The following COL19A1 variants were observed in gnomAD, a reference collection of about 807,000 sequenced individuals.
The protein encoded by COL19A1 is collagen type XIX alpha 1 chain, also known as collagen alpha-1(XIX) chain.
COL19A1 carries 159 observed loss-of-function variants against 190.2 expected under a neutral mutation model. The observed-to-expected ratio is 0.84, with a 90% CI of 0.73 to 0.95. The LOEUF (loss-of-function observed/expected upper bound fraction) is 0.95. Ranked by LOEUF, COL19A1 falls within the 40% of genes least tolerant of loss-of-function variation. COL19A1 has a pLI of 0.00. For missense variants in COL19A1, 1,418 were observed against 1,431.9 expected (o/e 0.99, Z 0.16); for synonymous variants, 509 against 458.9 (o/e 1.11, Z -1.39).
chr6:70,195,239 A>T (rs1767126884), intron 48 of COL19A1, among the ~76,000 whole-genome samples: 1 of 151,106 alleles, frequency 6.6e-6, no homozygotes, highest in South Asian at 2.1e-4. Flanking sequence ...TTTTGGTTGC[A>T]ACTCTGTTGT....
chr6:70,092,507 A>T (rs184180190), intron 15 of COL19A1, among the ~76,000 whole-genome samples: 3 of 151,924 alleles, frequency 2.0e-5, no homozygotes, highest in Admixed American at 1.3e-4. Flanking sequence ...CATCTTTTTG[A>T]TAGGGTTTTT....
At chr6:69,961,597 A>G (rs1222008487) in intron 10 of COL19A1, among the ~76,000 whole-genome samples, 4 of 152,246 alleles carry the variant, frequency 2.6e-5, no homozygotes, top group Non-Finnish European at 5.9e-5. Flanking sequence ...AAAAAAATAT[A>G]GACCATGCAT....
At chr6:69,937,804 G>T (rs1220780031) in intron 8 of COL19A1, among the ~76,000 whole-genome samples, 1 of 152,132 alleles carries the variant, frequency 6.6e-6, no homozygotes, top group Non-Finnish European at 1.5e-5. Context: ...GCTCATGGAA[G>T]GTCTGGAGGA....
intron 14 of COL19A1, among the ~76,000 whole-genome samples, chr6:70,043,484 G>T (rs1413257649): frequency 6.6e-6 from 1 of 152,056 alleles, no homozygotes; most frequent in African/African-American, 2.4e-5. Context: ...GAGCCACCGC[G>T]CCCGGCCACA....
At chr6:70,066,160 T>G (rs1216310265) in intron 14 of COL19A1, among the ~76,000 whole-genome samples, 1 of 152,202 alleles carries the variant, frequency 6.6e-6, no homozygotes, top group African/African-American at 2.4e-5. Context: ...GTATGTTTAT[T>G]GCAGCACTGC....
In COL19A1 at chr6:69,988,974, T is replaced by C. The variant is rs73746845; in HGVS notation, c.1026+26104T>C. 8.7e-3 allele frequency among the ~76,000 whole-genome samples: 1,324 copies of C among 152,300 alleles called. 20 individuals carry two copies. The highest frequency in any genetic ancestry group is 0.03 in the African/African-American group (1,235 of 41,556). ...ATAACATCACCATCCTTCTGGGCTT[T>C]GCACAGGTCTGAAACCTGTAATTTT... On this transcript the variant is annotated intron_variant, in intron 11 of 50. Coordinates refer to ENST00000620364, the MANE Select transcript of COL19A1 (RefSeq NM_001858.6).
chr6:70,165,605 A>C (rs544255433), intron 36 of COL19A1, among the ~76,000 whole-genome samples: 62 of 152,320 alleles, frequency 4.1e-4, no homozygotes, highest in African/African-American at 1.5e-3. Flanking sequence ...GCCTGCTTGT[A>C]GGAGAGTTCC....
intron 16 of COL19A1, among the ~76,000 whole-genome samples, chr6:70,118,532 C>T (rs1422091322): frequency 6.6e-6 from 1 of 152,140 alleles, no homozygotes; most frequent in Non-Finnish European, 1.5e-5. Flanking sequence ...ATTTCTGTCA[C>T]ATTAAACTTG....
intron 2 of COL19A1, among the ~76,000 whole-genome samples, chr6:69,897,713 G>A (rs1168524883): frequency 6.6e-6 from 1 of 152,000 alleles, no homozygotes; most frequent in Non-Finnish European, 1.5e-5. Context: ...TCATTAATTG[G>A]TAATGTTTAC....
chr6:69,936,732 A>T, intron 7 of COL19A1, 53 bp from the exon 8 acceptor site: 2 of 1,600,014 alleles, frequency 1.2e-6, no homozygotes, highest in Non-Finnish European at 1.7e-6. Flanking sequence ...TGTTTGGAAC[A>T]TGAGAATGTT....
chr6:70,020,788 T>C (rs1480059352), intron 11 of COL19A1, among the ~76,000 whole-genome samples: 1 of 152,074 alleles, frequency 6.6e-6, no homozygotes, highest in African/African-American at 2.4e-5. Context: ...CAACAAAGAA[T>C]TGTCAATTGT....
chr6:70,148,903 G>A (rs1387980724), intron 27 of COL19A1, among the ~76,000 whole-genome samples: 1 of 150,088 alleles, frequency 6.7e-6, no homozygotes, highest in Admixed American at 6.7e-5. Context: ...CTTCAGCCTG[G>A]GTGACAGAGT....
intron 44 of COL19A1, among the ~76,000 whole-genome samples, chr6:70,181,595 C>T (rs1266669970): frequency 4.6e-5 from 7 of 151,778 alleles, no homozygotes; most frequent in African/African-American, 1.7e-4. Flanking sequence ...ATGCTAGGCA[C>T]TGTTCTAGGT....
chr6:69,873,623 A>G (rs945466405), intron 1 of COL19A1, among the ~76,000 whole-genome samples: 1 of 152,206 alleles, frequency 6.6e-6, no homozygotes, highest in Admixed American at 6.5e-5. Flanking sequence ...TATGAGTGTT[A>G]TTAGCTTTAT....
At chr6:69,942,344 A>G (rs1191416229) in intron 9 of COL19A1, among the ~76,000 whole-genome samples, 1 of 152,130 alleles carries the variant, frequency 6.6e-6, no homozygotes, top group Non-Finnish European at 1.5e-5. Context: ...CATGTCCATC[A>G]CCTCAAATAT....
At chr6:70,137,067 A>G (rs1785916286) in intron 18 of COL19A1, among the ~76,000 whole-genome samples, 2 of 152,168 alleles carry the variant, frequency 1.3e-5, no homozygotes, top group South Asian at 4.1e-4. Flanking sequence ...TTTTCCAAAA[A>G]CACTCTTTAT....
chr6:70,021,741 G>A (rs1295647692), intron 11 of COL19A1, among the ~76,000 whole-genome samples: 1 of 152,142 alleles, frequency 6.6e-6, no homozygotes, highest in Non-Finnish European at 1.5e-5. Flanking sequence ...GCATGGTTGA[G>A]CACTTGAAAT....
intron 2 of COL19A1, among the ~76,000 whole-genome samples, chr6:69,881,789 C>T (rs994242157): frequency 4.6e-5 from 7 of 152,268 alleles, no homozygotes; most frequent in East Asian, 3.9e-4. Flanking sequence ...TAAAGCAACA[C>T]GTACTGAATG....
At chr6:70,083,756 A>G (rs1184121210) in intron 15 of COL19A1, among the ~76,000 whole-genome samples, 1 of 152,218 alleles carries the variant, frequency 6.6e-6, no homozygotes, top group Non-Finnish European at 1.5e-5. Context: ...GCTATGCAAC[A>G]TATGTTACCA....
Sources: allele counts gnomAD v4.1 joint callset (sites outside exome capture counted in the v4.1 genomes callset), GRCh38; gene constraint gnomAD v4.1.1; transcripts MANE v1.5; gene names NCBI Gene and HGNC (gene_info 2026-07-23, HGNC 2026-07-21).